The following COBL variants were observed in gnomAD, a reference collection of about 807,000 sequenced individuals.
The protein encoded by COBL is cordon-bleu WH2 repeat protein.
In COBL, 51 loss-of-function variants were observed where a neutral mutation model predicts 98.8. The observed-to-expected ratio is 0.52, with a 90% CI of 0.41 to 0.65. COBL has a LOEUF of 0.65. Ranked by LOEUF, COBL falls within the 30% of genes least tolerant of loss-of-function variation. The pLI, the probability that COBL is intolerant of heterozygous loss-of-function variation, is 0.00. For missense variants in COBL, 1,617 were observed against 1,617.5 expected, an observed-to-expected ratio of 1.00 and a Z score of 0.01; for synonymous variants, 634 against 651.7, an observed-to-expected ratio of 0.97 and a Z score of 0.41.
intron 5 of COBL, among the ~76,000 whole-genome samples, chr7:51,182,443 G>C (rs2129051138): frequency 6.6e-6 from 1 of 152,124 alleles, no homozygotes; most frequent in East Asian, 1.9e-4. Context: ...CACCACACCT[G>C]GCTACTTTTT....
chr7:51,019,844 T>C (rs184097575), intron 12 of COBL, among the ~76,000 whole-genome samples: 4 of 152,154 alleles, frequency 2.6e-5, no homozygotes, highest in African/African-American at 7.2e-5. Flanking sequence ...CTGATAGAAA[T>C]TGCTATTCCC....
At chr7:51,184,693 T>C (rs1260545091) in intron 4 of COBL, among the ~76,000 whole-genome samples, 1 of 152,222 alleles carries the variant, frequency 6.6e-6, no homozygotes, top group African/African-American at 2.4e-5. Context: ...GTCTTCACAA[T>C]CCAGCAGCCC....
intron 2 of COBL, among the ~76,000 whole-genome samples, chr7:51,211,758 A>G (rs926340873): frequency 4.6e-5 from 7 of 152,234 alleles, no homozygotes; most frequent in Non-Finnish European, 1.0e-4. Context: ...ACAAAGAGTC[A>G]GGTATGTTAG....
intron 7 of COBL, among the ~76,000 whole-genome samples, chr7:51,063,136 CTCTTTT>C (rs1237824283): frequency 2.8e-5 from 2 of 71,564 alleles, no homozygotes; most frequent in South Asian, 1.2e-3. Flanking sequence ...CATTTTCTCT[CTCTTTT>C]TTTTTTTTTT....
chr7:51,217,127 T>A (rs141514619), intron 2 of COBL, among the ~76,000 whole-genome samples: 158 of 152,348 alleles, frequency 1.0e-3, no homozygotes, highest in African/African-American at 3.5e-3. Context: ...ACTCCATCTC[T>A]AAGGCTGCAC....
intron 6 of COBL, among the ~76,000 whole-genome samples, chr7:51,088,866 G>A (rs1244301049): frequency 1.3e-5 from 2 of 152,182 alleles, no homozygotes; most frequent in African/African-American, 4.8e-5. Flanking sequence ...CGAGTACTCT[G>A]GTGAGAGGGC....
At chr7:51,303,720 A>G (rs980843305) in intron 1 of COBL, among the ~76,000 whole-genome samples, 1 of 152,158 alleles carries the variant, frequency 6.6e-6, no homozygotes, top group Non-Finnish European at 1.5e-5. Context: ...TGCTGACCCA[A>G]CTCCAAACAG....
At chr7:51,247,018 G>A (rs1796322378) in intron 1 of COBL, among the ~76,000 whole-genome samples, 1 of 152,186 alleles carries the variant, frequency 6.6e-6, no homozygotes, top group Non-Finnish European at 1.5e-5. Flanking sequence ...ACACCAAGCA[G>A]TGCGGGCCTG....
In COBL at chr7:51,253,797, T is replaced by C. The variant is rs1366753662; in HGVS notation, c.42-33853A>G. Among the ~76,000 whole-genome samples, 6 of 152,238 alleles carry C rather than the reference T, an allele frequency of 3.9e-5. No individual in the cohort carries two copies. In the East Asian group the frequency reaches 7.7e-4, roughly 20 times the overall value. Reference sequence around the variant, plus strand: ...TTCTTAAAATATGTTCCAATAAAGATATATGGTCAGAAAACTGTTCAAAAT... The same window carrying C: ...TTCTTAAAATATGTTCCAATAAAGACATATGGTCAGAAAACTGTTCAAAAT... On this transcript the variant is annotated intron_variant, in intron 1 of 12. Transcript: ENST00000265136.
At chr7:51,149,217 C>T (rs534772472) in intron 5 of COBL, among the ~76,000 whole-genome samples, 3 of 152,306 alleles carry the variant, frequency 2.0e-5, no homozygotes, top group African/African-American at 7.2e-5. Flanking sequence ...CTGATGCTTG[C>T]CGGAGGGCTG....
intron 12 of COBL, 143 bp downstream of exon 12, chr7:51,024,966 G>C (rs959459110): frequency 8.9e-6 from 10 of 1,121,614 alleles, no homozygotes; most frequent in Non-Finnish European, 1.3e-5. Context: ...ACATGTGAGA[G>C]ACACAGTGAC....
intron 6 of COBL, among the ~76,000 whole-genome samples, chr7:51,097,975 G>T (rs551884228): frequency 7.2e-6 from 1 of 138,314 alleles, no homozygotes; most frequent in African/African-American, 2.7e-5. Context: ...AGTGAGCCAA[G>T]ATTGCGCCAC....
intron 5 of COBL, among the ~76,000 whole-genome samples, chr7:51,141,499 A>G (rs1799742611): frequency 6.6e-6 from 1 of 152,212 alleles, no homozygotes; most frequent in South Asian, 2.1e-4. Context: ...TGAGGCCCAG[A>G]CAGAGCTACT....
chr7:51,254,114 T>C (rs1222389368), intron 1 of COBL, among the ~76,000 whole-genome samples: 3 of 152,112 alleles, frequency 2.0e-5, no homozygotes, highest in African/African-American at 7.2e-5. Flanking sequence ...TTTATTCTTA[T>C]TTTCTCTTCT....
chr7:51,102,349 C>T (rs1241738424), intron 6 of COBL, among the ~76,000 whole-genome samples: 1 of 152,110 alleles, frequency 6.6e-6, no homozygotes, highest in African/African-American at 2.4e-5. Context: ...CTCATAATCT[C>T]ATTGTGCCAA....
chr7:51,056,812 A>AACACACACAC (rs3047115), intron 7 of COBL, among the ~76,000 whole-genome samples: 7,537 of 143,598 alleles, frequency 0.052, 278 homozygotes, highest in Admixed American at 0.089. Context: ...GTGCTCTCCC[A>AACACACACAC]ACACACACAC....
At position 51,190,835 on chromosome 7, in the gene COBL, G is replaced by A. The variant is rs374575031; in HGVS notation, c.685+15C>T. 1.1e-4 allele frequency: 175 copies of A among 1,603,356 alleles called. 2 individuals are homozygous for A. The highest frequency in any genetic ancestry group is 1.3e-4 in the Non-Finnish European group (155 of 1,171,012). On this transcript the variant is annotated intron_variant, in intron 4 of 12. Transcript: ENST00000265136. ...GTGATTATGGGCAGGTGCGTGAGAC[G>A]CAGCGGGGCCTCACCTCTTCTGTTG...
At position 51,256,166 on chromosome 7, in the gene COBL, G is replaced by A. The variant is rs117085207; in HGVS notation, c.42-36222C>T. Among the ~76,000 whole-genome samples, 740 of 152,114 alleles carry A rather than the reference G, an allele frequency of 4.9e-3. 4 individuals are homozygous for A. Among genetic ancestry groups the A allele is most frequent in the South Asian group, 0.031 (149 of 4,810 alleles). On this transcript the variant is annotated intron_variant, in intron 1 of 12. Transcript: ENST00000265136. The stretch of plus-strand genomic sequence containing the variant: ...CACAAAGGCAGGAGTGTTTCCAGGC[G>A]GCCCACCCAAGACAGCAGTCCTTTA...
intron 5 of COBL, among the ~76,000 whole-genome samples, chr7:51,140,999 G>T (rs762757676): frequency 3.9e-5 from 6 of 151,988 alleles, no homozygotes; most frequent in Non-Finnish European, 7.4e-5. Flanking sequence ...CACAGCCTAA[G>T]ATGGATCAAT....
Sources: gnomAD v4.1 joint callset for allele counts (sites outside exome capture counted in the v4.1 genomes callset) on GRCh38, gnomAD v4.1.1 for gene constraint, MANE v1.5 for transcripts, NCBI Gene and HGNC (gene_info 2026-07-23, HGNC 2026-07-21) for gene names.